PPFIA1: variants seen among roughly 807,000 people sequenced by gnomAD.
PPFIA1 encodes the protein liprin-alpha-1.
A neutral mutation model predicts 149.9 loss-of-function variants in PPFIA1; 25 were observed. The observed-to-expected ratio is 0.17, with a 90% confidence interval of 0.12 to 0.23. The LOEUF (loss-of-function observed/expected upper bound fraction) is 0.23. Among genes scored for constraint, PPFIA1 ranks in the 10% least tolerant of loss-of-function variants. PPFIA1 has a pLI of 1.00. For missense variants in PPFIA1, 1,362 were observed against 1,506.5 expected (o/e 0.90, Z 1.59); for synonymous variants, 549 against 552.8 (o/e 0.99, Z 0.10).
intron 14 of PPFIA1, among the ~76,000 whole-genome samples, chr11:70,341,290 T>C (rs1377486803): frequency 2.0e-5 from 3 of 149,752 alleles, no homozygotes; most frequent in Non-Finnish European, 4.4e-5. Context: ...GAGGGTGACG[T>C]CTGAGCAGGG....
intron 2 of PPFIA1, among the ~76,000 whole-genome samples, chr11:70,306,198 A>G (rs1324860959): frequency 6.6e-6 from 1 of 150,444 alleles, no homozygotes; most frequent in Non-Finnish European, 1.5e-5. Flanking sequence ...GTCAATGGAG[A>G]AATGGATTGC....
chr11:70,339,252 G>T lies in PPFIA1; in HGVS notation c.1653G>T (p.Val551=), dbSNP rs2055162582. The change falls in exon 14 of 28, where the codon GTG becomes GTT. Residue 551 remains valine (V), a synonymous_variant. Transcript: ENST00000253925. ...CAGACTCCTACAGCACCAGTGCAGTGCTGCGGCGCCCACAGAAAGGCCGGC... is the reference window on the plus strand; with the variant it reads ...CAGACTCCTACAGCACCAGTGCAGTTCTGCGGCGCCCACAGAAAGGCCGGC... ...GHTDSYSTSA[V]LRRPQKGRLA... is the part of the protein sequence containing the mutation. 1 of 1,614,194 alleles carries T rather than the reference G, an allele frequency of 6.2e-7. No individual in the cohort carries two copies. Among genetic ancestry groups the T allele is most frequent in the Non-Finnish European group, 8.5e-7 (1 of 1,180,010 alleles).
chr11:70,277,052 A>ATTT (rs2050432989), intron 2 of PPFIA1, among the ~76,000 whole-genome samples: 1 of 29,012 alleles, frequency 3.4e-5, no homozygotes, highest in African/African-American at 1.6e-4. Flanking sequence ...ATATATATAT[A>ATTT]TATATATATT....
At chr11:70,328,272 CCT>C (rs1253591548) in intron 7 of PPFIA1, among the ~76,000 whole-genome samples, 1 of 152,034 alleles carries the variant, frequency 6.6e-6, no homozygotes, top group Non-Finnish European at 1.5e-5. Flanking sequence ...GTGTTGTTCC[CCT>C]CTGTCTGTCC....
chr11:70,328,216 T>C (rs1375794137), intron 7 of PPFIA1, among the ~76,000 whole-genome samples: 2 of 152,150 alleles, frequency 1.3e-5, no homozygotes, highest in Non-Finnish European at 2.9e-5. Flanking sequence ...CTGATCCTCT[T>C]CTTCCTCCTA....
chr11:70,346,313 C>T (rs560249351), intron 15 of PPFIA1, among the ~76,000 whole-genome samples: 1 of 152,168 alleles, frequency 6.6e-6, no homozygotes, highest in Admixed American at 6.5e-5. Context: ...TGGGGTGCTG[C>T]CACGACTTGC....
At chr11:70,340,891 G>A (rs1209749446) in intron 14 of PPFIA1, 3 of 332,340 alleles carry the variant, frequency 9.0e-6, no homozygotes, top group African/African-American at 7.7e-5. Context: ...AGGAGGCCTC[G>A]GGGCCATCAG....
At chr11:70,282,107 C>G (rs1274363228) in intron 2 of PPFIA1, among the ~76,000 whole-genome samples, 4 of 152,088 alleles carry the variant, frequency 2.6e-5, no homozygotes, top group Non-Finnish European at 5.9e-5. Flanking sequence ...TTGCCCCTGC[C>G]CAGTCACTTA....
At chr11:70,380,101 T>C (rs940533054) in intron 26 of PPFIA1, among the ~76,000 whole-genome samples, 2 of 152,070 alleles carry the variant, frequency 1.3e-5, no homozygotes, top group Non-Finnish European at 2.9e-5. Context: ...AGAATGAGAG[T>C]TTGGATGGAT....
rs551026386 is a variant in PPFIA1 at position 70,315,878 on chromosome 11, C to T, written c.265-8524C>T. The stretch of plus-strand genomic sequence containing the variant: ...CATTAAACACCAACTCCCTATCTCA[C>T]CCTCCCCACCCAGCGTTGTCCAGAC... On this transcript the variant is annotated intron_variant, in intron 2 of 27. Transcript: ENST00000253925. 3.9e-5 allele frequency among the ~76,000 whole-genome samples: 6 copies of T among 151,976 alleles called. No individual in the cohort carries two copies. In the South Asian group the frequency reaches 1.2e-3, roughly 32 times the overall value.
At chr11:70,340,116 A>G (rs996119273) in intron 14 of PPFIA1, among the ~76,000 whole-genome samples, 4 of 151,522 alleles carry the variant, frequency 2.6e-5, no homozygotes, top group African/African-American at 9.7e-5. Flanking sequence ...TTGGCAACAC[A>G]GGGAGACCCC....
intron 2 of PPFIA1, among the ~76,000 whole-genome samples, chr11:70,299,850 C>T (rs1010544867): frequency 2.0e-5 from 3 of 152,228 alleles, no homozygotes; most frequent in African/African-American, 7.2e-5. Flanking sequence ...CTTCTGCACT[C>T]TCCCTTTGGA....
At chr11:70,350,979 G>A in intron 16 of PPFIA1, 1 of 1,250,504 alleles carries the variant, frequency 8.0e-7, no homozygotes, top group Non-Finnish European at 1.0e-6. Context: ...TCATTTCTTT[G>A]CATGCATCTA....
intron 7 of PPFIA1, 84 bp from the exon 8 acceptor site, chr11:70,330,089 C>G: frequency 7.8e-7 from 1 of 1,284,154 alleles, no homozygotes; most frequent in Non-Finnish European, 1.1e-6. Context: ...TTGGGATTTA[C>G]TTCAGTTTTT....
In PPFIA1 at chr11:70,330,334, C is replaced by A; in HGVS notation, c.1077+15C>A. 1 of 1,547,530 alleles carries A rather than the reference C, an allele frequency of 6.5e-7. No individual in the cohort carries two copies. The highest frequency in any genetic ancestry group is 1.2e-5 in the South Asian group (1 of 80,826). On this transcript the variant is annotated intron_variant, in intron 8 of 27. Transcript: ENST00000253925. ...TGCATCGACAGGTAATGGATTTTAT[C>A]GACCTTTGTCTGGCTTTAGTTAATT...
intron 2 of PPFIA1, among the ~76,000 whole-genome samples, chr11:70,317,046 G>A (rs1192134764): frequency 1.3e-5 from 2 of 151,938 alleles, no homozygotes; most frequent in Non-Finnish European, 2.9e-5. Flanking sequence ...AAAATATTCC[G>A]GTAATTATTG....
intron 23 of PPFIA1, 46 bp downstream of exon 23, chr11:70,372,620 G>C: frequency 6.7e-7 from 1 of 1,502,942 alleles, no homozygotes. Context: ...CTACTTGCTG[G>C]TGTGTTTGGA....
chr11:70,378,878 C>G (rs1328191187), intron 26 of PPFIA1, among the ~76,000 whole-genome samples: 2 of 152,200 alleles, frequency 1.3e-5, no homozygotes. Context: ...GGCTTCCTTA[C>G]AGGTCTCTCA....
At chr11:70,311,248 T>C (rs573751379) in intron 2 of PPFIA1, among the ~76,000 whole-genome samples, 3 of 149,576 alleles carry the variant, frequency 2.0e-5, no homozygotes, top group African/African-American at 7.4e-5. Context: ...GTGGAGGTTG[T>C]GGTGAGCCGA....
Sources: gnomAD v4.1 joint callset for allele counts (sites outside exome capture counted in the v4.1 genomes callset) on GRCh38, gnomAD v4.1.1 for gene constraint, MANE v1.5 for transcripts, NCBI Gene and HGNC (gene_info 2026-07-23, HGNC 2026-07-21) for gene names.